AGBL1: variants seen among roughly 807,000 people sequenced by gnomAD.
The protein encoded by AGBL1 is AGBL carboxypeptidase 1.
AGBL1 carries 130 observed loss-of-function variants against 118.9 expected under a neutral mutation model. The ratio of observed to expected loss-of-function variants is 1.09; its 90% CI spans 0.95 to 1.26. AGBL1 has a LOEUF of 1.26. AGBL1 is among the 50% of genes most tolerant of loss of function. The pLI is 0.00. For synonymous variants in AGBL1, 555 were observed against 478.9 expected, an observed-to-expected ratio of 1.16 and a Z score of -2.08; for missense variants, 1,584 against 1,298.1, an observed-to-expected ratio of 1.22 and a Z score of -3.38.
chr15:86,253,117 G>A (rs1324003015), intron 7 of AGBL1, among the ~76,000 whole-genome samples: 2 of 152,170 alleles, frequency 1.3e-5, no homozygotes, highest in Non-Finnish European at 1.5e-5. Context: ...GTGAGCTTGA[G>A]AAACACAGAC....
intron 21 of AGBL1, among the ~76,000 whole-genome samples, chr15:86,568,913 G>T (rs1474866629): frequency 6.6e-6 from 1 of 152,008 alleles, no homozygotes; most frequent in Non-Finnish European, 1.5e-5. Context: ...ATGAGATGCT[G>T]TATGTATGAT....
At chr15:86,157,576 C>G (rs904111453) in intron 4 of AGBL1, among the ~76,000 whole-genome samples, 1 of 152,150 alleles carries the variant, frequency 6.6e-6, no homozygotes, top group Non-Finnish European at 1.5e-5. Context: ...GTTGATTGTA[C>G]CAACTCACTG....
At chr15:86,381,728 GA>G (rs759158639) in intron 17 of AGBL1, among the ~76,000 whole-genome samples, 1 of 152,178 alleles carries the variant, frequency 6.6e-6, no homozygotes, top group Non-Finnish European at 1.5e-5. Flanking sequence ...TGGTCAAGAA[GA>G]GAGGGCGTGA....
In AGBL1 at chr15:86,487,091, G is replaced by A. The variant is rs937368154; in HGVS notation, c.2556-35719G>A. Among the ~76,000 whole-genome samples, 10 of 152,162 alleles carry A rather than the reference G, an allele frequency of 6.6e-5. No individual in the cohort carries two copies. The East Asian group carries it at 1.2e-3, about 18-fold the overall frequency. On this transcript the variant is annotated intron_variant, in intron 18 of 22. Coordinates refer to ENST00000614907, the MANE Select transcript of AGBL1 (RefSeq NM_001386094.1). ...TTCTCAGGTTCTAACCATCCTGCCA[G>A]CCCTTGGGCTTGCCAGCTCTTTTTG...
At chr15:86,829,522 C>A (rs28489715) in intron 22 of AGBL1, among the ~76,000 whole-genome samples, 8,401 of 152,134 alleles carry the variant, frequency 0.055, 425 homozygotes, top group African/African-American at 0.12. Context: ...GAAGCAATAT[C>A]AGGCCTTCTA....
Position 87,027,539 on chromosome 15 carries a change from A to G in AGBL1, c.3324-1286A>G, listed in dbSNP as rs187550950. The stretch of plus-strand genomic sequence containing the variant: ...ATATAGATATGTATTATATAGATGT[A>G]TATTTATTACATAAATCATTCTATT... On this transcript the variant is annotated intron_variant, in intron 24 of 24. Coordinates refer to the AGBL1 transcript ENST00000441037. Among the ~76,000 whole-genome samples, 767 of 151,598 alleles carry G rather than the reference A, an allele frequency of 5.1e-3. 10 individuals are homozygous for G. Among genetic ancestry groups the G allele is most frequent in the African/African-American group, 0.017 (687 of 41,370 alleles).
intron 5 of AGBL1, among the ~76,000 whole-genome samples, chr15:86,224,069 G>T (rs1665702584): frequency 6.6e-6 from 1 of 152,178 alleles, no homozygotes; most frequent in South Asian, 2.1e-4. Context: ...AATCCTGAGA[G>T]AGGTGGTGGA....
At chr15:86,931,465 C>CA (rs1410066455) in intron 23 of AGBL1, among the ~76,000 whole-genome samples, 1 of 152,078 alleles carries the variant, frequency 6.6e-6, no homozygotes, top group African/African-American at 2.4e-5. Context: ...CCATGCTGGG[C>CA]AAGTGGACCC....
intron 17 of AGBL1, among the ~76,000 whole-genome samples, chr15:86,366,816 G>A (rs527759128): frequency 6.6e-6 from 1 of 152,138 alleles, no homozygotes; most frequent in South Asian, 2.1e-4. Context: ...GGGGGAAAAA[G>A]GTTCCTTTAC....
chr15:86,530,236 T>C (rs1235386574), intron 19 of AGBL1, among the ~76,000 whole-genome samples: 3 of 133,338 alleles, frequency 2.2e-5, no homozygotes, highest in Admixed American at 7.1e-5. Flanking sequence ...GAGACACACA[T>C]AGGCTGAAAA....
At chr15:86,117,235 T>C (rs1171559535) in intron 1 of AGBL1, among the ~76,000 whole-genome samples, 1 of 152,124 alleles carries the variant, frequency 6.6e-6, no homozygotes, top group Admixed American at 6.6e-5. Context: ...GGCTCTGGGA[T>C]GGCTGCTGGG....
intron 21 of AGBL1, among the ~76,000 whole-genome samples, chr15:86,633,863 ATGTATAT>A (rs2085029879): frequency 4.6e-5 from 2 of 43,414 alleles, no homozygotes; most frequent in East Asian, 1.2e-3. Context: ...TATATATATA[ATGTATAT>A]ATATAATGTA....
intron 22 of AGBL1, among the ~76,000 whole-genome samples, chr15:86,887,750 A>C (rs1215114840): frequency 6.6e-6 from 1 of 152,124 alleles, no homozygotes; most frequent in Non-Finnish European, 1.5e-5. Flanking sequence ...AGGAATATGC[A>C]CCTCACAGAA....
intron 22 of AGBL1, among the ~76,000 whole-genome samples, chr15:86,766,734 T>A (rs1315311252): frequency 6.6e-6 from 1 of 152,114 alleles, no homozygotes; most frequent in East Asian, 1.9e-4. Flanking sequence ...AAAGACACAG[T>A]TCTAACCCTC....
At chr15:86,869,709 C>T (rs1365013097) in intron 22 of AGBL1, among the ~76,000 whole-genome samples, 1 of 152,058 alleles carries the variant, frequency 6.6e-6, no homozygotes, top group Non-Finnish European at 1.5e-5. Flanking sequence ...TTATTATAAC[C>T]ATCCCTACTA....
In AGBL1 at chr15:86,665,132, C is replaced by T. The variant is rs184261830; in HGVS notation, c.2995-9141C>T. The stretch of plus-strand genomic sequence containing the variant: ...TTACATTATGATTATATCCCTATGA[C>T]GTTGCCAATTTGAAACACATGATGT... On this transcript the variant is annotated intron_variant, in intron 21 of 22. Coordinates refer to ENST00000614907, the MANE Select transcript of AGBL1 (RefSeq NM_001386094.1). Among the ~76,000 whole-genome samples, 725 of 152,168 alleles carry T rather than the reference C, an allele frequency of 4.8e-3. 4 individuals are homozygous for T. Among genetic ancestry groups the T allele is most frequent in the Non-Finnish European group, 7.6e-3 (518 of 67,998 alleles).
intron 18 of AGBL1, among the ~76,000 whole-genome samples, chr15:86,448,895 C>T (rs771897353): frequency 1.3e-5 from 2 of 152,148 alleles, no homozygotes; most frequent in South Asian, 2.1e-4. Context: ...ATAATTCTTT[C>T]AGTTTCAAAT....
At chr15:86,864,747 T>C (rs1334519336) in intron 22 of AGBL1, among the ~76,000 whole-genome samples, 1 of 152,074 alleles carries the variant, frequency 6.6e-6, no homozygotes, top group Non-Finnish European at 1.5e-5. Context: ...CAAACACGTG[T>C]TCAAAGAGCC....
chr15:86,350,176 G>A (rs776649507), intron 17 of AGBL1, among the ~76,000 whole-genome samples: 13 of 152,156 alleles, frequency 8.5e-5, no homozygotes, highest in Admixed American at 2.0e-4. Flanking sequence ...CTGTGTGCCA[G>A]GGATGTTTTC....
Sources: gnomAD v4.1 joint callset for allele counts (sites outside exome capture counted in the v4.1 genomes callset) on GRCh38, gnomAD v4.1.1 for gene constraint, MANE v1.5 for transcripts, NCBI Gene and HGNC (gene_info 2026-07-23, HGNC 2026-07-21) for gene names.